Variants in SRSF11 observed in about 807,000 individuals in gnomAD.
SRSF11 encodes serine and arginine rich splicing factor 11.
A neutral mutation model predicts 56.0 loss-of-function variants in SRSF11; 9 were observed. The ratio of observed to expected loss-of-function variants is 0.16; its 90% CI spans 0.10 to 0.28. SRSF11 has a LOEUF of 0.28. Among genes scored for constraint, SRSF11 ranks in the 10% least tolerant of loss-of-function variants. The pLI is 1.00. For missense variants in SRSF11, 421 were observed against 600.7 expected (o/e 0.70, Z 3.13); for synonymous variants, 222 against 215.3 (o/e 1.03, Z -0.27).
chr1:70,222,682 T>G (rs1670923777), intron 1 of SRSF11: 1 of 152,210 alleles, frequency 6.6e-6, no homozygotes, highest in Non-Finnish European at 1.5e-5. Context: ...GAAGACTTAT[T>G]GGTGGAGAAG....
chr1:70,248,365 A>G (rs1336306476), intron 9 of SRSF11: 2 of 152,152 alleles, frequency 1.3e-5, no homozygotes, highest in African/African-American at 4.8e-5. Context: ...GCAAACATCC[A>G]TGAAAGGCCG....
At chr1:70,242,104 G>C (rs1178028969) in intron 7 of SRSF11, among the ~76,000 whole-genome samples, 1 of 151,130 alleles carries the variant, frequency 6.6e-6, no homozygotes, top group Non-Finnish European at 1.5e-5. Context: ...CGGAGGCGGG[G>C]ATTGCAGTGA....
chr1:70,219,185 C>A (rs981386719), upstream of SRSF11, among the ~76,000 whole-genome samples: 1 of 152,086 alleles, frequency 6.6e-6, no homozygotes, highest in Non-Finnish European at 1.5e-5. Context: ...ATCCAAAACA[C>A]TTATGGTCCC....
chr1:70,231,803 C>A, intron 2 of SRSF11: 1 of 1,367,946 alleles, frequency 7.3e-7, no homozygotes, highest in Non-Finnish European at 9.6e-7. Context: ...TATTATTAAC[C>A]CCTAAATCAA....
intron 10 of SRSF11, 124 bp downstream of exon 10, chr1:70,250,171 T>C: frequency 7.9e-7 from 1 of 1,261,646 alleles, no homozygotes; most frequent in Non-Finnish European, 1.1e-6. Context: ...GTATTCTCCT[T>C]CTGACTTGTG....
rs1676848026 is a variant in SRSF11 at position 70,246,696 on chromosome 1, G to C, written c.933-122G>C. The stretch of plus-strand genomic sequence containing the variant: ...ATTATTTTTAAAACAGTTTCTGTCA[G>C]AACAACATTTATGCTTTTAAGGATG... On this transcript the variant is annotated intron_variant, in intron 8 of 11. Coordinates refer to ENST00000370949, the MANE Select transcript of SRSF11 (RefSeq NM_001350605.2). The C allele has an allele frequency of 9.5e-6, 5 of 524,848 alleles. No homozygotes were observed. In the East Asian group the frequency reaches 1.6e-4, roughly 17 times the overall value. The allele number at this position is 524,848 out of a possible 1,614,324, so 32.5% of individuals were successfully genotyped here. A position where few individuals can be genotyped will look rare whatever the true frequency, so the allele number is the denominator to read the frequency against.
intron 10 of SRSF11, 113 bp downstream of exon 10, chr1:70,250,160 T>G (rs774791613): frequency 1.1e-5 from 14 of 1,256,046 alleles, no homozygotes; most frequent in African/African-American, 1.5e-5. Flanking sequence ...AATGTTTTAA[T>G]GTATTCTCCT....
intron 6 of SRSF11, among the ~76,000 whole-genome samples, chr1:70,237,802 C>T (rs1674451667): frequency 6.6e-6 from 1 of 152,208 alleles, no homozygotes; most frequent in African/African-American, 2.4e-5. Context: ...CAGCCTTCCA[C>T]AGCAGTGGTT....
chr1:70,246,364 T>C (rs1449246050), intron 8 of SRSF11, among the ~76,000 whole-genome samples: 1 of 152,160 alleles, frequency 6.6e-6, no homozygotes, highest in Non-Finnish European at 1.5e-5. Flanking sequence ...GCTTGCTTGA[T>C]CCATGATAGA....
At chr1:70,244,496 A>G (rs1676288257) in intron 7 of SRSF11, among the ~76,000 whole-genome samples, 188 bp from the exon 8 acceptor site, 1 of 151,168 alleles carries the variant, frequency 6.6e-6, no homozygotes, top group Admixed American at 6.6e-5. Context: ...CAAGTGTTAA[A>G]AGGTATTACT....
chr1:70,227,341 A>G (rs1169937680), intron 1 of SRSF11, among the ~76,000 whole-genome samples: 3 of 152,098 alleles, frequency 2.0e-5, no homozygotes, highest in Non-Finnish European at 4.4e-5. Context: ...GAGTCCTATG[A>G]TGTAAGTGTT....
At position 70,221,491 on chromosome 1, in the gene SRSF11, G is replaced by A; in HGVS notation, c.-146G>A. 2.5e-6 allele frequency: 3 copies of A among 1,194,748 alleles called. No individual in the cohort carries two copies. The South Asian group carries it at 4.8e-5, about 19-fold the overall frequency. The allele number at this position is 1,194,748 out of a possible 1,614,324, so 74.0% of individuals were successfully genotyped here. A position where few individuals can be genotyped will look rare whatever the true frequency, so the allele number is the denominator to read the frequency against. On this transcript the variant is annotated 5_prime_UTR_variant, in exon 1 of 12. Transcript: ENST00000370949. ...TGCGGCGGGGCGGAGAAACGGCGGC[G>A]GCGGCGGCGGCATCGGCAGCAGTAG...
At chr1:70,223,794 A>G (rs193269349) in intron 1 of SRSF11, among the ~76,000 whole-genome samples, 33 of 152,362 alleles carry the variant, frequency 2.2e-4, no homozygotes, top group African/African-American at 7.5e-4. Flanking sequence ...CACAAGTTGC[A>G]TATAGTTCCC....
At chr1:70,207,801 C>T (rs1345814090) in intron 1 of SRSF11, among the ~76,000 whole-genome samples, 1 of 151,558 alleles carries the variant, frequency 6.6e-6, no homozygotes, top group Non-Finnish European at 1.5e-5. Context: ...TCACAGCTCA[C>T]TGCAACCTCG....
chr1:70,212,633 C>A (rs1669664573), intron 1 of SRSF11, among the ~76,000 whole-genome samples: 1 of 152,104 alleles, frequency 6.6e-6, no homozygotes, highest in African/African-American at 2.4e-5. Flanking sequence ...ATTGCAGTAG[C>A]CTCTTAAAGG....
At chr1:70,229,345 G>C in intron 2 of SRSF11, 1 of 1,219,308 alleles carries the variant, frequency 8.2e-7, no homozygotes. Flanking sequence ...GTAACCATTT[G>C]TTAACTACAT....
rs114505356 is a variant in SRSF11 at position 70,213,141 on chromosome 1, C to T, written c.-26+7361C>T. Reference sequence around the variant, plus strand: ...ACATGTAACATTTGTTGGGTGCCTACGTGTTGGGCACTCTGCTAAGTGCTT... The same window carrying T: ...ACATGTAACATTTGTTGGGTGCCTATGTGTTGGGCACTCTGCTAAGTGCTT... On this transcript the variant is annotated intron_variant, in intron 1 of 12. Transcript: ENST00000370950. 6.7e-3 allele frequency among the ~76,000 whole-genome samples: 1,013 copies of T among 152,230 alleles called. 14 individuals carry two copies. Among genetic ancestry groups the T allele is most frequent in the African/African-American group, 0.023 (943 of 41,534 alleles).
At chr1:70,246,597 G>T (rs1251168293) in intron 8 of SRSF11, 1 of 355,556 alleles carries the variant, frequency 2.8e-6, no homozygotes, top group Non-Finnish European at 5.1e-6. Context: ...GTCTACTTTA[G>T]TCTACTTGGG....
Position 70,250,989 on chromosome 1 carries a change from G to A in SRSF11, c.*184G>A. The A allele has an allele frequency of 1.8e-6, 1 of 551,736 alleles. No homozygotes were observed. Among genetic ancestry groups the A allele is most frequent in the Non-Finnish European group, 3.2e-6 (1 of 314,072 alleles). 34.2% of individuals were successfully genotyped at this position (551,736 alleles called of 1,614,324 possible). On this transcript the variant is annotated 3_prime_UTR_variant, in exon 12 of 12. Coordinates refer to ENST00000370949, the MANE Select transcript of SRSF11 (RefSeq NM_001350605.2). ...AAAAAGCTTTTAGAAAATGGTACGA[G>A]GTAACCAATTCTTGTCATGGTGAAA...
Sources: gnomAD v4.1 joint callset for allele counts (sites outside exome capture counted in the v4.1 genomes callset) on GRCh38, gnomAD v4.1.1 for gene constraint, MANE v1.5 for transcripts, NCBI Gene and HGNC (gene_info 2026-07-23, HGNC 2026-07-21) for gene names.